The following SCN11A variants were observed in gnomAD, a reference collection of about 807,000 sequenced individuals.
SCN11A encodes the protein sodium voltage-gated channel alpha subunit 11.
SCN11A carries 122 observed loss-of-function variants against 162.2 expected under a neutral mutation model. The ratio of observed to expected loss-of-function variants is 0.75; its 90% CI spans 0.65 to 0.87. The LOEUF is 0.87. Ranked by LOEUF, SCN11A falls within the 40% of genes least tolerant of loss-of-function variation. SCN11A has a pLI of 0.00. For synonymous variants in SCN11A, 758 were observed against 751.5 expected, an observed-to-expected ratio of 1.01 and a Z score of -0.14; for missense variants, 2,015 against 2,181.6, an observed-to-expected ratio of 0.92 and a Z score of 1.52.
chr3:38,879,037 C>T (rs772655152), intron 23 of SCN11A, among the ~76,000 whole-genome samples: 3 of 152,008 alleles, frequency 2.0e-5, no homozygotes, highest in Admixed American at 6.6e-5. Flanking sequence ...GAAAATATGT[C>T]CATCTACTAT....
chr3:38,871,922 G>A (rs1235653708), intron 24 of SCN11A, among the ~76,000 whole-genome samples: 1 of 152,096 alleles, frequency 6.6e-6, no homozygotes, highest in Non-Finnish European at 1.5e-5. Flanking sequence ...CTTGAGAAGT[G>A]CCCTGGTGAT....
chr3:38,874,780 T>C (rs1270301514), intron 23 of SCN11A, among the ~76,000 whole-genome samples: 1 of 152,112 alleles, frequency 6.6e-6, no homozygotes, highest in Non-Finnish European at 1.5e-5. Flanking sequence ...TTTGTATATG[T>C]TGTGAATAAT....
At chr3:39,017,207 C>T (rs1161697718) in intron 2 of SCN11A, among the ~76,000 whole-genome samples, 1 of 152,188 alleles carries the variant, frequency 6.6e-6, no homozygotes, top group African/African-American at 2.4e-5. Flanking sequence ...AAATGATGGC[C>T]TTCTGCAAAC....
intron 26 of SCN11A, 65 bp from the exon 27 acceptor site, chr3:38,867,523 T>C (rs1360197984): frequency 1.6e-6 from 2 of 1,268,048 alleles, no homozygotes; most frequent in African/African-American, 1.5e-5. Flanking sequence ...GCATTCTAAC[T>C]ACCTTATCTA....
At chr3:38,862,293 A>T (rs976765358) in intron 28 of SCN11A, among the ~76,000 whole-genome samples, 1 of 152,182 alleles carries the variant, frequency 6.6e-6, no homozygotes, top group Non-Finnish European at 1.5e-5. Flanking sequence ...GTTGGTGGGA[A>T]TATAAACTAG....
intron 2 of SCN11A, among the ~76,000 whole-genome samples, chr3:39,011,118 A>T (rs1241655092): frequency 3.3e-5 from 5 of 152,218 alleles, no homozygotes; most frequent in Non-Finnish European, 7.3e-5. Flanking sequence ...GGTGCCAAGC[A>T]AGGAGACTCA....
At chr3:38,930,607 G>A (rs1336071614) in intron 7 of SCN11A, among the ~76,000 whole-genome samples, 6 of 152,254 alleles carry the variant, frequency 3.9e-5, no homozygotes, top group East Asian at 1.9e-4. Context: ...GCAGACTGTC[G>A]CTGCTGTTTC....
chr3:38,909,236 C>A, intron 12 of SCN11A, 42 bp from the exon 13 acceptor site: 1 of 1,598,596 alleles, frequency 6.3e-7, no homozygotes, highest in South Asian at 1.1e-5. Flanking sequence ...AAACCTTCTT[C>A]CACAGGAAAG....
At chr3:38,901,925 G>A (rs185391618) in intron 16 of SCN11A, among the ~76,000 whole-genome samples, 79 of 152,322 alleles carry the variant, frequency 5.2e-4, no homozygotes, top group Non-Finnish European at 9.1e-4. Context: ...AGGAAGTGAA[G>A]AAGAATGTCA....
intron 19 of SCN11A, among the ~76,000 whole-genome samples, chr3:38,889,983 A>G (rs1485315278): frequency 1.3e-5 from 2 of 151,956 alleles, no homozygotes; most frequent in Non-Finnish European, 2.9e-5. Context: ...GAAAAAAAAA[A>G]AAGCAGCAGC....
rs543150221 is a variant in SCN11A at position 38,867,596 on chromosome 3, C to T, written c.3814-138G>A. On this transcript the variant is annotated intron_variant, in intron 26 of 29. Coordinates refer to ENST00000302328, the MANE Select transcript of SCN11A (RefSeq NM_001349253.2). ...ATAGCCTCTTCCTAACAGCCATAGC[C>T]CCTGTTGGGAGCCTGTCTTTCAGTT... 4.1e-5 allele frequency: 26 copies of T among 638,164 alleles called. No individual in the cohort carries two copies. In the East Asian group the frequency reaches 5.0e-4, roughly 12 times the overall value. 39.5% of individuals were successfully genotyped at this position (638,164 alleles called of 1,614,324 possible).
chr3:38,855,833 C>G (rs550245389), intron 28 of SCN11A, among the ~76,000 whole-genome samples: 1 of 152,318 alleles, frequency 6.6e-6, no homozygotes, highest in African/African-American at 2.4e-5. Flanking sequence ...GCCACTTCCA[C>G]CAGAGCAGGT....
chr3:38,934,373 A>G (rs1289829366), intron 7 of SCN11A, among the ~76,000 whole-genome samples: 1 of 151,896 alleles, frequency 6.6e-6, no homozygotes, highest in Non-Finnish European at 1.5e-5. Context: ...CACACATAAC[A>G]ATATTAACTT....
chr3:39,001,076 A>G (rs908197325), intron 2 of SCN11A, among the ~76,000 whole-genome samples: 2 of 152,190 alleles, frequency 1.3e-5, no homozygotes, highest in African/African-American at 4.8e-5. Context: ...ATTATGCCAA[A>G]TGGTTCTTGG....
intron 11 of SCN11A, among the ~76,000 whole-genome samples, chr3:38,917,062 G>T (rs2065971294): frequency 1.3e-5 from 2 of 152,104 alleles, no homozygotes; most frequent in Admixed American, 6.6e-5. Context: ...GCCCTATAAA[G>T]ACCAGTTGTA....
At chr3:38,909,640 T>C (rs1291538861) in intron 12 of SCN11A, among the ~76,000 whole-genome samples, 4 of 149,566 alleles carry the variant, frequency 2.7e-5, no homozygotes, top group Non-Finnish European at 5.9e-5. Flanking sequence ...TGGAGTGCAG[T>C]GGTGTGATCT....
chr3:39,043,959 T>C (rs934044314), intron 1 of SCN11A, among the ~76,000 whole-genome samples: 10 of 151,948 alleles, frequency 6.6e-5, no homozygotes, highest in Non-Finnish European at 1.3e-4. Flanking sequence ...ATCTCATATA[T>C]CCCATAAATG....
chr3:38,923,738 T>C (rs2066090261), intron 9 of SCN11A, among the ~76,000 whole-genome samples: 2 of 152,106 alleles, frequency 1.3e-5, no homozygotes, highest in Non-Finnish European at 2.9e-5. Flanking sequence ...GAGCAGACAT[T>C]CTGAGATCAG....
chr3:39,020,366 C>T (rs1336083992), intron 2 of SCN11A, among the ~76,000 whole-genome samples: 3 of 152,144 alleles, frequency 2.0e-5, no homozygotes, highest in East Asian at 1.9e-4. Flanking sequence ...TCCTTTGTCC[C>T]GCCTCAGAGT....
Sources: gnomAD v4.1 joint callset for allele counts (sites outside exome capture counted in the v4.1 genomes callset) on GRCh38, gnomAD v4.1.1 for gene constraint, MANE v1.5 for transcripts, NCBI Gene and HGNC (gene_info 2026-07-23, HGNC 2026-07-21) for gene names.